Variants in MICAL3 observed in about 807,000 individuals in gnomAD.
MICAL3 encodes [F-actin]-monooxygenase MICAL3.
MICAL3 carries 62 observed loss-of-function variants against 207.4 expected under a neutral mutation model. The observed-to-expected ratio is 0.30, with a 90% CI of 0.24 to 0.37. MICAL3 has a LOEUF of 0.37. Among genes scored for constraint, MICAL3 ranks in the 10% least tolerant of loss-of-function variants. The probability of loss-of-function intolerance (pLI) is 1.00; values close to 1 mark genes in which losing one functional copy is unlikely to be tolerated. For missense variants in MICAL3, 2,368 were observed against 2,635.6 expected (o/e 0.90, Z 2.22); for synonymous variants, 1,077 against 1,069.3 (o/e 1.01, Z -0.14).
Position 17,998,185 on chromosome 22 carries a change from T to A in MICAL3, c.-75+26096A>T, listed in dbSNP as rs1257155278. Among the ~76,000 whole-genome samples, 3 of 150,524 alleles carry A rather than the reference T, an allele frequency of 2.0e-5. No homozygotes were observed. The South Asian group carries it at 6.3e-4, about 32-fold the overall frequency. On this transcript the variant is annotated intron_variant, in intron 1 of 31. Coordinates refer to ENST00000441493, the MANE Select transcript of MICAL3 (RefSeq NM_015241.3). ...AGGGCGTGGTGGCAGGTGCCTGTAG[T>A]CCCAGCTACTTGAGAGGCTGAGGCA... is the stretch of plus-strand genomic sequence containing the variant.
intron 1 of MICAL3, among the ~76,000 whole-genome samples, chr22:17,909,891 C>T (rs1436264811): frequency 2.6e-5 from 4 of 152,166 alleles, no homozygotes; most frequent in Non-Finnish European, 4.4e-5. Context: ...GCCTCCTGAC[C>T]TCTTTGTGGG....
chr22:17,865,514 G>A (rs967469340), intron 18 of MICAL3, among the ~76,000 whole-genome samples: 14 of 152,234 alleles, frequency 9.2e-5, no homozygotes, highest in African/African-American at 3.4e-4. Context: ...GGGAGTGAGG[G>A]TGGGGCCACC....
At chr22:17,877,394 T>G (rs368725079) in intron 16 of MICAL3, among the ~76,000 whole-genome samples, 6 of 102,336 alleles carry the variant, frequency 5.9e-5, no homozygotes, top group Admixed American at 1.9e-4. Context: ...TTATGGAGGT[T>G]AGGGAGGTTA....
At chr22:17,804,547 G>A (rs2061971218) in intron 29 of MICAL3, among the ~76,000 whole-genome samples, 1 of 152,248 alleles carries the variant, frequency 6.6e-6, no homozygotes, top group Non-Finnish European at 1.5e-5. Flanking sequence ...AAGGCTCCTG[G>A]AGGTGTGCTG....
At position 17,895,294 on chromosome 22, in the gene MICAL3, C is replaced by T. The variant is rs762366580; in HGVS notation, c.1439G>A (p.Arg480Gln). ...RYPNINVNFL[R>Q]PSQVRHLYDT... ...ACAAGAAGGTCTTACCTGGCTTGGCCGGAGGAAGTTGACGTTGATATTGGG... is the reference window on the plus strand; with the variant it reads ...ACAAGAAGGTCTTACCTGGCTTGGCTGGAGGAAGTTGACGTTGATATTGGG... The change falls in exon 10 of 32, where the codon CGG becomes CAG. Residue 480 changes from arginine (R) to glutamine (Q), a missense_variant. By Grantham distance (43) the Arg-to-Gln change is conservative. Around this residue, in one of 4 missense-constraint regions of MICAL3, gnomAD observed 147 missense variants for 137.7 expected, o/e 1.07. Coordinates refer to ENST00000441493, the MANE Select transcript of MICAL3 (RefSeq NM_015241.3). The T allele has an allele frequency of 2.8e-5, 45 of 1,613,304 alleles. No individual in the cohort carries two copies. The highest frequency in any genetic ancestry group is 1.8e-4 in the South Asian group (16 of 90,904).
At chr22:17,872,256 G>T (rs185921829) in intron 16 of MICAL3, among the ~76,000 whole-genome samples, 2 of 152,358 alleles carry the variant, frequency 1.3e-5, no homozygotes, top group African/African-American at 4.8e-5. Context: ...AACCGCGAAA[G>T]CCTGGGCCAG....
At chr22:17,996,446 A>C (rs1045332608) in intron 1 of MICAL3, among the ~76,000 whole-genome samples, 3 of 74,636 alleles carry the variant, frequency 4.0e-5, no homozygotes, top group Non-Finnish European at 8.2e-5. Flanking sequence ...TCCATCTCAG[A>C]AAAAAAAAAA....
In MICAL3 at chr22:17,902,890, G is replaced by A. The variant is rs911373633; in HGVS notation, c.473-143C>T. 1.7e-6 allele frequency: 1 copy of A among 591,148 alleles called. No individual in the cohort carries two copies. The highest frequency in any genetic ancestry group is 1.9e-5 in the African/African-American group (1 of 53,620). 36.6% of individuals were successfully genotyped at this position (591,148 alleles called of 1,614,324 possible). On this transcript the variant is annotated intron_variant, in intron 3 of 31. Coordinates refer to ENST00000441493, the MANE Select transcript of MICAL3 (RefSeq NM_015241.3). This position sits in a 1 kb window ranked among gnomAD's most constrained non-coding sequence, Gnocchi z 4.5. ...CTGCTGTAGCAGGAGACCTTCCAAA[G>A]CCACGCTCTGTAACTTCTTCCTTTC...
chr22:17,973,163 A>G (rs920266767), intron 1 of MICAL3, among the ~76,000 whole-genome samples: 18 of 152,142 alleles, frequency 1.2e-4, no homozygotes, highest in African/African-American at 4.3e-4. Context: ...GAAAAGGGAG[A>G]AGAGAGGTGT....
intron 1 of MICAL3, among the ~76,000 whole-genome samples, chr22:17,955,975 C>T (rs1048496186): frequency 2.6e-5 from 4 of 152,216 alleles, no homozygotes; most frequent in East Asian, 1.9e-4. Context: ...CCAAAATCTT[C>T]GACCATTAAA....
Position 17,827,774 on chromosome 22 carries a change from G to A in MICAL3, c.3063C>T (p.Asn1021=). ...EEEEESSEAG[N]QRLQQVMHAA... is the part of the protein sequence containing the mutation. Reference sequence around the variant, plus strand: ...CGTGCATGACCTGCTGGAGCCTCTGGTTCCCGGCTAGTGTCCCAGGGTCAA... The same window carrying A: ...CGTGCATGACCTGCTGGAGCCTCTGATTCCCGGCTAGTGTCCCAGGGTCAA... Residue 1021 remains asparagine (N), a synonymous_variant, in exon 22 of 32, where the codon AAC becomes AAT. Transcript: ENST00000441493. 6.5e-7 allele frequency: 1 copy of A among 1,548,674 alleles called. No homozygotes were observed. The highest frequency in any genetic ancestry group is 8.7e-7 in the Non-Finnish European group (1 of 1,145,668).
intron 19 of MICAL3, chr22:17,862,760 T>C: frequency 1.0e-6 from 1 of 985,546 alleles, no homozygotes; most frequent in Non-Finnish European, 1.2e-6. Context: ...CAAGGTGCCC[T>C]GATTCTGAGC....
chr22:17,837,221 C>A (rs1454519780), intron 20 of MICAL3, among the ~76,000 whole-genome samples: 20 of 152,184 alleles, frequency 1.3e-4, no homozygotes. Context: ...GGGAGTGAGG[C>A]GGGAGGGAGA....
At chr22:17,899,209 G>A in intron 7 of MICAL3, 1 of 559,770 alleles carries the variant, frequency 1.8e-6, no homozygotes, top group South Asian at 1.8e-5. Flanking sequence ...AACTGTGAAA[G>A]CTGGACGGTA....
At chr22:17,844,089 G>T (rs975621609) in intron 19 of MICAL3, among the ~76,000 whole-genome samples, 2 of 152,040 alleles carry the variant, frequency 1.3e-5, no homozygotes, top group Non-Finnish European at 2.9e-5. Flanking sequence ...CTCGTGATCC[G>T]CCCGCCTCGG....
chr22:18,016,407 G>C (rs553600970), intron 1 of MICAL3, among the ~76,000 whole-genome samples: 23 of 152,106 alleles, frequency 1.5e-4, no homozygotes, highest in Non-Finnish European at 2.8e-4. Flanking sequence ...ATATCAAAAA[G>C]TTATTCTTTT....
In MICAL3 at chr22:17,934,980, T is replaced by C. The variant is rs536642477; in HGVS notation, c.-74-28094A>G. On this transcript the variant is annotated intron_variant, in intron 1 of 31. Coordinates refer to ENST00000441493, the MANE Select transcript of MICAL3 (RefSeq NM_015241.3). ...AAGAGGACACAAACAAATGGAAGAA[T>C]ATTCCATGCTCATGGATAGGAAGAA... Among the ~76,000 whole-genome samples, 9 of 152,204 alleles carry C rather than the reference T, an allele frequency of 5.9e-5. No individual in the cohort carries two copies. The South Asian group carries it at 6.2e-4, about 11-fold the overall frequency.
At chr22:17,891,670 C>T (rs1185221191) in intron 11 of MICAL3, 38 bp from the exon 12 acceptor site, 1 of 1,602,450 alleles carries the variant, frequency 6.2e-7, no homozygotes, top group Non-Finnish European at 8.5e-7. Context: ...GAGGTGTGGT[C>T]ACCTGGTAAT....
intron 1 of MICAL3, among the ~76,000 whole-genome samples, chr22:17,971,639 T>A (rs1935417672): frequency 6.6e-6 from 1 of 152,190 alleles, no homozygotes. Context: ...AGAACTCCTA[T>A]GTCTCCTGTG....
Sources: gnomAD v4.1 joint callset for allele counts (sites outside exome capture counted in the v4.1 genomes callset) on GRCh38, gnomAD v4.1.1 for gene constraint, gnomAD v4.1.1 regional missense constraint, Gnocchi (gnomAD v3.1) non-coding constraint, MANE v1.5 for transcripts, NCBI Gene and HGNC (gene_info 2026-07-23, HGNC 2026-07-21) for gene names.